Variants in CCDC178 observed in about 807,000 individuals in gnomAD.
The protein encoded by CCDC178 is coiled-coil domain-containing protein 178.
In CCDC178, 126 loss-of-function variants were observed where a neutral mutation model predicts 117.4. The ratio of observed to expected loss-of-function variants is 1.07; its 90% CI spans 0.93 to 1.24. The LOEUF is 1.24. Among genes scored for constraint, CCDC178 ranks in the 50% most tolerant of loss-of-function variants. CCDC178 has a pLI of 0.00. For synonymous variants in CCDC178, 283 were observed against 313.4 expected (o/e 0.90, Z 1.02); for missense variants, 1,030 against 986.9 (o/e 1.04, Z -0.59).
chr18:33,347,991 C>T (rs2062920102), intron 8 of CCDC178, among the ~76,000 whole-genome samples: 1 of 151,850 alleles, frequency 6.6e-6, no homozygotes, highest in Non-Finnish European at 1.5e-5. Context: ...ATGTTTTAGA[C>T]CTCAAATGTA....
chr18:33,081,203 C>T (rs954291691), intron 21 of CCDC178, among the ~76,000 whole-genome samples: 2 of 152,148 alleles, frequency 1.3e-5, no homozygotes, highest in Non-Finnish European at 2.9e-5. Context: ...CCATAGTTTG[C>T]ATAGTGACTA....
At chr18:33,308,073 C>A (rs1355742362) in intron 11 of CCDC178, among the ~76,000 whole-genome samples, 1 of 152,198 alleles carries the variant, frequency 6.6e-6, no homozygotes, top group East Asian at 1.9e-4. Context: ...GAGAGGACAG[C>A]CACTGTCCTC....
chr18:32,963,124 G>T (rs2054741190), intron 22 of CCDC178, among the ~76,000 whole-genome samples: 2 of 152,044 alleles, frequency 1.3e-5, no homozygotes, highest in South Asian at 4.2e-4. Context: ...CAGCCAAATT[G>T]CCTAGGTTTA....
At chr18:33,435,081 GAC>G (rs1346696716) in intron 2 of CCDC178, among the ~76,000 whole-genome samples, 1 of 151,988 alleles carries the variant, frequency 6.6e-6, no homozygotes, top group Non-Finnish European at 1.5e-5. Flanking sequence ...ATGAATGAGG[GAC>G]CGTCTGCAGA....
chr18:33,251,325 T>A (rs1456203970), intron 14 of CCDC178, among the ~76,000 whole-genome samples: 3 of 151,790 alleles, frequency 2.0e-5, no homozygotes, highest in African/African-American at 7.2e-5. Context: ...ATTATATCTA[T>A]ACTCCCTATG....
chr18:33,205,559 A>G (rs1336357614), intron 20 of CCDC178, among the ~76,000 whole-genome samples: 1 of 152,236 alleles, frequency 6.6e-6, no homozygotes, highest in Non-Finnish European at 1.5e-5. Context: ...TCAACACACC[A>G]TGAATAGTCT....
intron 21 of CCDC178, among the ~76,000 whole-genome samples, chr18:33,075,915 GC>G (rs2057198014): frequency 6.6e-6 from 1 of 152,268 alleles, no homozygotes; most frequent in South Asian, 2.1e-4. Context: ...GTTGTAGTGA[GC>G]TGAGATTGCA....
chr18:33,268,053 G>A (rs550041048), intron 12 of CCDC178, among the ~76,000 whole-genome samples: 3 of 151,774 alleles, frequency 2.0e-5, no homozygotes, highest in African/African-American at 7.2e-5. Flanking sequence ...AGGATGATTT[G>A]TTACAAAATG....
At chr18:33,043,963 AAAT>A (rs1312306553) in intron 21 of CCDC178, among the ~76,000 whole-genome samples, 1 of 151,560 alleles carries the variant, frequency 6.6e-6, no homozygotes, top group Non-Finnish European at 1.5e-5. Context: ...AAATATATTA[AAAT>A]AATAAGAGTT....
At chr18:32,971,190 C>T (rs970008693) in intron 22 of CCDC178, among the ~76,000 whole-genome samples, 1 of 151,648 alleles carries the variant, frequency 6.6e-6, no homozygotes. Context: ...CACCCCACTA[C>T]AGGCCCTGGT....
At chr18:33,335,437 A>T (rs2003789320) in intron 9 of CCDC178, among the ~76,000 whole-genome samples, 1 of 152,024 alleles carries the variant, frequency 6.6e-6, no homozygotes, top group Non-Finnish European at 1.5e-5. Context: ...AGAGTCAGAC[A>T]TTATCTTGTT....
At position 33,133,796 on chromosome 18, in the gene CCDC178, T is replaced by C. The variant is rs553718452; in HGVS notation, c.2239-40886A>G. 8.1e-4 allele frequency among the ~76,000 whole-genome samples: 123 copies of C among 152,066 alleles called. 1 individual carries two copies. The highest frequency in any genetic ancestry group is 2.6e-3 in the African/African-American group (110 of 41,552). ...GATTGCAAGGCTGTATTCTTAGTTG[T>C]CTAAAATTTCTGGGACGTTTTCCTG... On this transcript the variant is annotated intron_variant, in intron 20 of 22. Transcript: ENST00000383096.
intron 20 of CCDC178, among the ~76,000 whole-genome samples, chr18:33,179,161 C>CTA (rs200189915): frequency 0.025 from 1,789 of 72,308 alleles, 197 homozygotes; most frequent in African/African-American, 0.072. Flanking sequence ...TATATATAAA[C>CTA]TATATATATA....
chr18:33,124,782 G>T (rs28504670), intron 20 of CCDC178, among the ~76,000 whole-genome samples: 9,206 of 152,218 alleles, frequency 0.06, 449 homozygotes, highest in African/African-American at 0.13. Flanking sequence ...CTCCACAAAG[G>T]CTGTGTCAGA....
chr18:33,156,283 T>G (rs1220486021), intron 20 of CCDC178, among the ~76,000 whole-genome samples: 1 of 151,664 alleles, frequency 6.6e-6, no homozygotes, highest in Non-Finnish European at 1.5e-5. Context: ...GGAGTTGAGA[T>G]TTCACAATGT....
intron 22 of CCDC178, among the ~76,000 whole-genome samples, chr18:32,949,043 C>T (rs1394749751): frequency 2.0e-5 from 3 of 152,068 alleles, no homozygotes; most frequent in East Asian, 1.9e-4. Flanking sequence ...GACTTTCCCT[C>T]CCCATTACTT....
At chr18:33,209,235 A>G (rs970810666) in intron 20 of CCDC178, among the ~76,000 whole-genome samples, 5 of 152,070 alleles carry the variant, frequency 3.3e-5, no homozygotes, top group African/African-American at 1.2e-4. Flanking sequence ...ATTTATGGAT[A>G]TATGATATGG....
intron 6 of CCDC178, among the ~76,000 whole-genome samples, chr18:33,362,770 A>C (rs1358067486): frequency 6.6e-6 from 1 of 151,958 alleles, no homozygotes; most frequent in Non-Finnish European, 1.5e-5. Context: ...TTAAGAAGAG[A>C]ATTAGGAGTA....
At chr18:33,002,351 GA>G (rs374868180) in intron 21 of CCDC178, among the ~76,000 whole-genome samples, 58 of 145,266 alleles carry the variant, frequency 4.0e-4, no homozygotes, top group Middle Eastern at 3.5e-3. Context: ...AGACCACAAT[GA>G]AAAAAAAAAC....
Sources: gnomAD v4.1 joint callset for allele counts (sites outside exome capture counted in the v4.1 genomes callset) on GRCh38, gnomAD v4.1.1 for gene constraint, MANE v1.5 for transcripts, NCBI Gene and HGNC (gene_info 2026-07-23, HGNC 2026-07-21) for gene names.